MYT1L: variants seen among roughly 807,000 people sequenced by gnomAD.
MYT1L encodes myelin transcription factor 1 like.
In MYT1L, 12 loss-of-function variants were observed where a neutral mutation model predicts 126.7. The observed-to-expected ratio is 0.09, with a 90% CI of 0.06 to 0.15. The LOEUF (loss-of-function observed/expected upper bound fraction) is 0.15, where lower values mean the gene tolerates loss of function less well. Among genes scored for constraint, MYT1L ranks in the 10% least tolerant of loss-of-function variants. The pLI is 1.00. For missense variants in MYT1L, 979 were observed against 1,585.2 expected (o/e 0.62, Z 6.49); for synonymous variants, 541 against 604.2 (o/e 0.90, Z 1.53).
rs2095661711 is a variant in MYT1L at position 2,295,567 on chromosome 2, G to GAGAGAGAGATAGAGAGACAGACAGAC, written c.-520-11065_-520-11064insGTCTGTCTGTCTCTCTATCTCTCTCT. On this transcript the variant is annotated intron_variant, in intron 1 of 24. Coordinates refer to ENST00000647738, the MANE Select transcript of MYT1L (RefSeq NM_001303052.2). ...AGAGAGAGAGAGAGACAGACAGACA[G>GAGAGAGAGATAGAGAGACAGACAGAC]AGAGAGAGAGAGAGAGACAGACAGA... 1.2e-4 allele frequency among the ~76,000 whole-genome samples: 2 copies of GAGAGAGAGATAGAGAGACAGACAGAC among 16,658 alleles called. 1 individual carries two copies. Among genetic ancestry groups the GAGAGAGAGATAGAGAGACAGACAGAC allele is most frequent in the Non-Finnish European group, 3.5e-4 (2 of 5,696 alleles). The allele number at this position is 16,658 out of a possible 152,430, so 10.9% of individuals were successfully genotyped here. A position where few individuals can be genotyped will look rare whatever the true frequency, so the allele number is the denominator to read the frequency against.
intron 2 of MYT1L, among the ~76,000 whole-genome samples, chr2:2,220,718 T>G (rs2093836982): frequency 6.6e-6 from 1 of 152,166 alleles, no homozygotes; most frequent in South Asian, 2.1e-4. Context: ...TGTCTCATCA[T>G]GTTATGCCAG....
intron 11 of MYT1L, among the ~76,000 whole-genome samples, chr2:1,916,442 ACT>A (rs1439564429): frequency 6.6e-6 from 1 of 151,978 alleles, no homozygotes; most frequent in African/African-American, 2.4e-5. Context: ...AAACTCATAT[ACT>A]CATTTCTGAG....
intron 2 of MYT1L, among the ~76,000 whole-genome samples, chr2:2,196,547 T>C (rs914881980): frequency 1.2e-3 from 179 of 151,392 alleles, no homozygotes; most frequent in African/African-American, 4.3e-3. Context: ...TTATAATATG[T>C]GGTTTATATT....
rs896110126 is a variant in MYT1L at position 1,912,847 on chromosome 2, G to A, written c.1619-737C>T. Among the ~76,000 whole-genome samples the A allele has an allele frequency of 2.6e-5, 4 of 152,178 alleles. No homozygotes were observed. The highest frequency in any genetic ancestry group is 5.9e-5 in the Non-Finnish European group (4 of 68,038). ...CTGCTTGAATTTTCCCAGCAGTGGT[G>A]TTGGACCTGAATTATTTGTGTCTTC... On this transcript the variant is annotated intron_variant, in intron 11 of 24. Coordinates refer to ENST00000647738, the MANE Select transcript of MYT1L (RefSeq NM_001303052.2). The surrounding 1 kb of genome is among the most constrained non-coding windows in gnomAD (Gnocchi z 4.3).
intron 9 of MYT1L, among the ~76,000 whole-genome samples, chr2:1,925,046 A>C (rs1263833648): frequency 6.6e-6 from 1 of 152,210 alleles, no homozygotes; most frequent in Non-Finnish European, 1.5e-5. Context: ...GTAAGTTTTA[A>C]CAGCCAGAAT....
At chr2:1,814,137 C>G (rs77745564) in intron 21 of MYT1L, among the ~76,000 whole-genome samples, 4 of 151,992 alleles carry the variant, frequency 2.6e-5, no homozygotes, top group African/African-American at 4.8e-5. Context: ...TCTTCTCACA[C>G]GTGCTGCCTC....
chr2:2,166,226 C>G (rs1001593139), intron 3 of MYT1L, among the ~76,000 whole-genome samples: 2 of 152,114 alleles, frequency 1.3e-5, no homozygotes, highest in African/African-American at 4.8e-5. Context: ...AACTCATGAA[C>G]CAGCGAGGCT....
intron 20 of MYT1L, among the ~76,000 whole-genome samples, chr2:1,840,109 T>C (rs2041464732): frequency 6.6e-6 from 1 of 152,246 alleles, no homozygotes; most frequent in Non-Finnish European, 1.5e-5. Context: ...AGAATTTGCA[T>C]TACCTATTTA....
chr2:2,093,319 C>CG (rs1472408716), intron 3 of MYT1L, among the ~76,000 whole-genome samples: 3 of 27,166 alleles, frequency 1.1e-4, no homozygotes, highest in African/African-American at 3.1e-4. Flanking sequence ...GGGGGTGGGG[C>CG]GGGGGGGCTT....
intron 8 of MYT1L, among the ~76,000 whole-genome samples, chr2:1,956,108 G>T (rs1573957120): frequency 6.6e-6 from 1 of 151,586 alleles, no homozygotes; most frequent in Non-Finnish European, 1.5e-5. Context: ...ACCTACCTAT[G>T]ACTTATCTAC....
Position 2,228,303 on chromosome 2 carries a change from A to G in MYT1L, c.-420-55315T>C, listed in dbSNP as rs1197776088. Among the ~76,000 whole-genome samples, 1 of 152,224 alleles carries G rather than the reference A, an allele frequency of 6.6e-6. No homozygotes were observed. The highest frequency in any genetic ancestry group is 1.9e-4 in the East Asian group (1 of 5,200). ...CAAAAGTCCATCATATGACTTTCAA[A>G]TTGGCAAAGGTGATAATATTAAAAA... On this transcript the variant is annotated intron_variant, in intron 2 of 24. Coordinates refer to ENST00000647738, the MANE Select transcript of MYT1L (RefSeq NM_001303052.2). The surrounding 1 kb of genome is among the most constrained non-coding windows in gnomAD (Gnocchi z 5.9).
intron 3 of MYT1L, among the ~76,000 whole-genome samples, chr2:2,065,914 A>G (rs1238283647): frequency 6.6e-6 from 1 of 152,036 alleles, no homozygotes; most frequent in Non-Finnish European, 1.5e-5. Flanking sequence ...GAAAGAAGAA[A>G]TTGGGCATAA....
chr2:2,325,646 A>G (rs897071483), intron 1 of MYT1L: 1 of 152,224 alleles, frequency 6.6e-6, no homozygotes, highest in Non-Finnish European at 1.5e-5. Flanking sequence ...CCTCTCTCCT[A>G]TAACACTCAC....
intron 8 of MYT1L, among the ~76,000 whole-genome samples, chr2:1,953,072 C>T (rs998190365): frequency 2.0e-5 from 3 of 151,248 alleles, no homozygotes; most frequent in Non-Finnish European, 4.4e-5. Context: ...AGGTGATCCT[C>T]TCACCTCAGC....
intron 18 of MYT1L, among the ~76,000 whole-genome samples, chr2:1,867,542 T>C (rs2045740311): frequency 6.6e-6 from 1 of 152,186 alleles, no homozygotes; most frequent in African/African-American, 2.4e-5. Flanking sequence ...GAAGCTCATC[T>C]GTCAGAGGAG....
intron 21 of MYT1L, among the ~76,000 whole-genome samples, chr2:1,834,887 G>C (rs1162191838): frequency 1.4e-5 from 2 of 139,268 alleles, no homozygotes; most frequent in Non-Finnish European, 3.0e-5. Context: ...ACATACCATG[G>C]GGATGGATAC....
intron 8 of MYT1L, among the ~76,000 whole-genome samples, chr2:1,963,203 G>A (rs1334964784): frequency 6.6e-6 from 1 of 152,244 alleles, no homozygotes; most frequent in Non-Finnish European, 1.5e-5. Flanking sequence ...GTGCCCAGGT[G>A]CATTGCCCAT....
chr2:2,212,107 C>T (rs551473799), intron 2 of MYT1L, among the ~76,000 whole-genome samples: 14 of 152,132 alleles, frequency 9.2e-5, no homozygotes, highest in South Asian at 8.3e-4. Context: ...GGGAAAATGG[C>T]GGTGTCTATA....
intron 21 of MYT1L, among the ~76,000 whole-genome samples, chr2:1,817,537 G>A (rs2037859353): frequency 6.6e-6 from 1 of 152,224 alleles, no homozygotes; most frequent in African/African-American, 2.4e-5. Flanking sequence ...CGGGCCTGAA[G>A]AATGATGCAT....
Sources: gnomAD v4.1 joint callset for allele counts (sites outside exome capture counted in the v4.1 genomes callset) on GRCh38, gnomAD v4.1.1 for gene constraint, Gnocchi (gnomAD v3.1) non-coding constraint, MANE v1.5 for transcripts, NCBI Gene and HGNC (gene_info 2026-07-23, HGNC 2026-07-21) for gene names.